Variants in MVB12A observed in about 807,000 individuals in gnomAD.
The protein encoded by MVB12A is multivesicular body subunit 12A.
A neutral mutation model predicts 34.3 loss-of-function variants in MVB12A; 30 were observed. The ratio of observed to expected loss-of-function variants is 0.88; its 90% CI spans 0.65 to 1.19. MVB12A has a LOEUF of 1.19. Among genes scored for constraint, MVB12A ranks in the 50% most tolerant of loss-of-function variants. The probability of loss-of-function intolerance (pLI) is 0.00; values close to 1 mark genes in which losing one functional copy is unlikely to be tolerated. For missense variants in MVB12A, 355 were observed against 369.2 expected (o/e 0.96, Z 0.31); for synonymous variants, 158 against 158.9 (o/e 0.99, Z 0.04).
chr19:17,421,257 TCAC>T, intron 3 of MVB12A: 1 of 354,268 alleles, frequency 2.8e-6, no homozygotes, highest in South Asian at 2.1e-5. Context: ...CGATCTCAGC[TCAC>T]CACAACCTCC....
chr19:17,411,460 A>T (rs1212711329), intron 2 of MVB12A, among the ~76,000 whole-genome samples: 1 of 151,908 alleles, frequency 6.6e-6, no homozygotes, highest in African/African-American at 2.4e-5. Context: ...GGCTCAAGCG[A>T]TCCTCCCACC....
At chr19:17,405,880 T>G (rs12971834) in intron 1 of MVB12A, 1 of 303,030 alleles carries the variant, frequency 3.3e-6, no homozygotes, top group South Asian at 3.9e-5. Context: ...GTGCCTCTGC[T>G]GTGTGTTACT....
Position 17,422,323 on chromosome 19 carries a change from C to A in MVB12A, c.287-9C>A, listed in dbSNP as rs374250458. The stretch of plus-strand genomic sequence containing the variant: ...TTCCCTCTCTCACTCCCCTACCCCC[C>A]ACTCCCAGAGGCCTCTGTGTCCAAG... On this transcript the variant is annotated splice_polypyrimidine_tract_variant and intron_variant, in intron 3 of 8. Coordinates refer to ENST00000317040, the MANE Select transcript of MVB12A (RefSeq NM_138401.4). 5 of 1,609,202 alleles carry A rather than the reference C, an allele frequency of 3.1e-6. No individual in the cohort carries two copies. The highest frequency in any genetic ancestry group is 2.2e-5 in the East Asian group (1 of 44,680).
At chr19:17,405,894 T>G in intron 1 of MVB12A, 1 of 262,546 alleles carries the variant, frequency 3.8e-6, no homozygotes, top group Non-Finnish European at 7.5e-6. Flanking sequence ...TGTTACTGAG[T>G]GCCTAGGCCG....
At chr19:17,420,726 G>C in intron 3 of MVB12A, 92 bp downstream of exon 3, 1 of 868,540 alleles carries the variant, frequency 1.2e-6, no homozygotes, top group South Asian at 1.5e-5. Context: ...TCTGAGCCTC[G>C]GCTGCCCCCT....
upstream of MVB12A, among the ~76,000 whole-genome samples, chr19:17,416,662 G>A (rs912441073): frequency 1.3e-5 from 2 of 148,528 alleles, no homozygotes; most frequent in South Asian, 2.1e-4. Flanking sequence ...CAAGTGATCC[G>A]TCCACCTTGG....
chr19:17,424,885 C>G, intron 8 of MVB12A, 46 bp from the exon 9 acceptor site: 1 of 1,486,622 alleles, frequency 6.7e-7, no homozygotes. Flanking sequence ...CTTTGGCCCT[C>G]TCTTTACTCT....
In MVB12A at chr19:17,420,210, G is replaced by A. The variant is rs2074828835; in HGVS notation, c.75G>A (p.Pro25=). Residue 25 remains proline, a synonymous_variant, in exon 1 of 9, where the codon CCG becomes CCA. Transcript: ENST00000317040. The part of the protein sequence containing the change: ...LAWSSASAPP[P]RGFSAISCTV... Reference sequence around the variant, plus strand: ...GGTCGTCGGCCTCTGCACCCCCGCCGCGGGGGTTCAGCGCGGTGAGCGGCG... The same window carrying A: ...GGTCGTCGGCCTCTGCACCCCCGCCACGGGGGTTCAGCGCGGTGAGCGGCG... 1.4e-6 allele frequency: 2 copies of A among 1,473,800 alleles called. No individual in the cohort carries two copies. Among genetic ancestry groups the A allele is most frequent in the East Asian group, 5.0e-5 (2 of 40,010 alleles). 91.3% of individuals were successfully genotyped at this position (1,473,800 alleles called of 1,614,324 possible). A position where few individuals can be genotyped will look rare whatever the true frequency, so the allele number is the denominator to read the frequency against.
intron 2 of MVB12A, among the ~76,000 whole-genome samples, chr19:17,409,108 C>T (rs746807362): frequency 4.0e-5 from 6 of 151,368 alleles, no homozygotes; most frequent in East Asian, 3.9e-4. Context: ...GGATTACAAG[C>T]GTGAGCCACC....
chr19:17,422,309 A>T, intron 3 of MVB12A, 23 bp from the exon 4 acceptor site: 1 of 1,585,182 alleles, frequency 6.3e-7, no homozygotes, highest in Middle Eastern at 1.7e-4. Context: ...TCCCTCTCTC[A>T]CTCCCCTACC....
upstream of MVB12A, chr19:17,417,101 T>C: frequency 2.7e-6 from 1 of 372,468 alleles, no homozygotes; most frequent in Non-Finnish European, 5.3e-6. Flanking sequence ...AAACTTTCCT[T>C]TCAACTTACA....
chr19:17,422,398 CTG>C lies in MVB12A; in HGVS notation c.357_358del (p.Phe120Ter). ...TTGCCCCTGGGAGCCACGGACACGG[CTG>C]TGTTTGATGTCCGGCTGAGTGGGAA... On this transcript the variant is annotated frameshift_variant, in exon 4 of 9. Coordinates refer to ENST00000317040, the MANE Select transcript of MVB12A (RefSeq NM_138401.4). LOFTEE classifies it high-confidence loss of function. 1 of 1,613,798 alleles carries C rather than the reference CTG, an allele frequency of 6.2e-7. No individual in the cohort carries two copies. Among genetic ancestry groups the C allele is most frequent in the Non-Finnish European group, 8.5e-7 (1 of 1,179,862 alleles).
At chr19:17,409,598 G>A (rs545852492) in intron 2 of MVB12A, among the ~76,000 whole-genome samples, 3 of 150,296 alleles carry the variant, frequency 2.0e-5, no homozygotes, top group South Asian at 2.1e-4. Flanking sequence ...ACAGGCATGC[G>A]CCACCATGCC....
In MVB12A at chr19:17,422,019, AG is replaced by A. The variant is rs150857524; in HGVS notation, c.287-310del. ...AGTTGTCCAACCTCTATAGGATTAG[AG>A]GGCTCATGGAAAGTAAGTTTTGAGG... On this transcript the variant is annotated intron_variant, in intron 3 of 8. Transcript: ENST00000317040. The A allele has an allele frequency of 9.2e-3, 2,074 of 225,360 alleles. 51 individuals are homozygous for A. Among genetic ancestry groups the A allele is most frequent in the African/African-American group, 0.044 (1,968 of 44,232 alleles). The allele number at this position is 225,360 out of a possible 1,614,324, so 14.0% of individuals were successfully genotyped here.
intron 8 of MVB12A, 63 bp from the exon 9 acceptor site, chr19:17,424,868 A>C (rs2074860659): frequency 2.3e-6 from 3 of 1,280,480 alleles, no homozygotes; most frequent in African/African-American, 3.0e-5. Flanking sequence ...TTCCTCAGTC[A>C]CTCCCCCTTT....
intron 2 of MVB12A, 61 bp from the exon 3 acceptor site, chr19:17,420,477 T>C (rs2074831102): frequency 1.3e-6 from 2 of 1,589,252 alleles, no homozygotes; most frequent in East Asian, 2.2e-5. Flanking sequence ...CACGGTGCCC[T>C]ATGCCAGGTG....
At chr19:17,423,876 C>A in intron 6 of MVB12A, 77 bp downstream of exon 6, 1 of 1,560,858 alleles carries the variant, frequency 6.4e-7, no homozygotes, top group South Asian at 1.1e-5. Context: ...CAGGAAGGAT[C>A]TTCCTACTTC....
chr19:17,408,868 C>T lies in MVB12A; in HGVS notation c.-5+2572C>T, dbSNP rs541749875. Among the ~76,000 whole-genome samples, 449 of 117,146 alleles carry T rather than the reference C, an allele frequency of 3.8e-3. 1 individual carries two copies. The highest frequency in any genetic ancestry group is 6.0e-3 in the Non-Finnish European group (350 of 58,680). The allele number at this position is 117,146 out of a possible 152,430, so 76.9% of individuals were successfully genotyped here. On this transcript the variant is annotated intron_variant, in intron 2 of 6. Transcript: ENST00000528604. ...TTTTTGAGAGGGAATCTCTCTCTGT[C>T]GCCCAGGCTGGAGTGCAGTGGTACG...
upstream of MVB12A, chr19:17,415,685 T>G (rs2074795257): frequency 6.6e-6 from 1 of 152,238 alleles, no homozygotes; most frequent in African/African-American, 2.4e-5. Flanking sequence ...TTTTGGAAAG[T>G]CAAGCCTTCT....
Sources: allele counts gnomAD v4.1 joint callset (sites outside exome capture counted in the v4.1 genomes callset), GRCh38; gene constraint gnomAD v4.1.1; transcripts MANE v1.5; gene names NCBI Gene and HGNC (gene_info 2026-07-23, HGNC 2026-07-21).